The following CUBN variants were observed in gnomAD, a reference collection of about 807,000 sequenced individuals.
CUBN encodes cubilin.
Under a neutral mutation model 405.3 loss-of-function variants are expected in CUBN, and 282 were observed. That is an observed-to-expected ratio of 0.70 (90% CI 0.63 to 0.77). The LOEUF is 0.77. Ranked by LOEUF, CUBN falls within the 30% of genes least tolerant of loss-of-function variation. CUBN has a pLI of 0.00. For synonymous variants in CUBN, 1,684 were observed against 1,617.0 expected, an observed-to-expected ratio of 1.04 and a Z score of -0.99; for missense variants, 4,514 against 4,475.2, an observed-to-expected ratio of 1.01 and a Z score of -0.25.
chr10:16,837,131 C>T (rs1839195448), intron 62 of CUBN, among the ~76,000 whole-genome samples: 1 of 151,972 alleles, frequency 6.6e-6, no homozygotes, highest in Non-Finnish European at 1.5e-5. Flanking sequence ...TGCTCTTGGT[C>T]CTTGTCTAAC....
intron 60 of CUBN, among the ~76,000 whole-genome samples, chr10:16,850,074 C>T (rs1358260091): frequency 6.6e-6 from 1 of 152,186 alleles, no homozygotes; most frequent in Non-Finnish European, 1.5e-5. Flanking sequence ...TGAAAATGTT[C>T]ACCTTGCCTG....
intron 43 of CUBN, among the ~76,000 whole-genome samples, chr10:16,924,772 T>C (rs1462010059): frequency 1.3e-5 from 2 of 152,088 alleles, no homozygotes. Context: ...ATTACAGATA[T>C]CATGTAATAT....
intron 22 of CUBN, among the ~76,000 whole-genome samples, chr10:17,056,862 GAAAC>G (rs147883806): frequency 0.12 from 17,962 of 151,914 alleles, 1,787 homozygotes; most frequent in African/African-American, 0.26. Context: ...TCATTAATAA[GAAAC>G]AAACAAAAAT....
rs751337888 is a variant in CUBN, at chr10:16,947,253, C to T, written c.5324G>A (p.Arg1775Gln). The change falls in exon 36 of 67, where the codon CGG becomes CAG. Residue 1775 changes from arginine (R) to glutamine (Q), a missense_variant. Physicochemically the swap from Arg to Gln is conservative, Grantham distance 43 (BLOSUM62 1). Coordinates refer to ENST00000377833, the MANE Select transcript of CUBN (RefSeq NM_001081.4). The stretch of plus-strand genomic sequence containing the variant: ...GATTTACATAAAAGACAGCTGGAGC[C>T]GGTTGCCAGGGGAACTGACGATGTT... ...VWNIVSSPGN[R>Q]LQLSFISFQL... 105 of 1,613,954 alleles carry T rather than the reference C, an allele frequency of 6.5e-5. No homozygotes were observed. Among genetic ancestry groups the T allele is most frequent in the South Asian group, 1.1e-4 (10 of 91,086 alleles).
Position 17,065,421 on chromosome 10 carries a change from G to A in CUBN, c.3139+87C>T, listed in dbSNP as rs137931656. The A allele has an allele frequency of 1.2e-3, 1,876 of 1,534,800 alleles. 20 individuals are homozygous for A. In the African/African-American group the frequency reaches 0.02, roughly 16 times the overall value. ...CTCTCATTGTGTGCCACAGGTTTGC[G>A]GATGATGTATTCTCATTGTGTTTTA... On this transcript the variant is annotated intron_variant, in intron 22 of 66. Coordinates refer to ENST00000377833, the MANE Select transcript of CUBN (RefSeq NM_001081.4).
At position 17,057,774 on chromosome 10, in the gene CUBN, G is replaced by GA. The variant is rs1246983568; in HGVS notation, c.3139+7733dup. On this transcript the variant is annotated intron_variant, in intron 22 of 66. Transcript: ENST00000377833. ...ATGGAAGGCTAGTCAGCAATAGAAA[G>GA]AAAAAAACACATGAATACAGCAACA... Among the ~76,000 whole-genome samples, 3 of 151,730 alleles carry GA rather than the reference G, an allele frequency of 2.0e-5. 1 individual carries two copies. Among genetic ancestry groups the GA allele is most frequent in the Non-Finnish European group, 4.4e-5 (3 of 67,896 alleles).
intron 56 of CUBN, among the ~76,000 whole-genome samples, chr10:16,888,030 C>T (rs1194385622): frequency 6.6e-6 from 1 of 152,100 alleles, no homozygotes; most frequent in Non-Finnish European, 1.5e-5. Flanking sequence ...AAATGTCGAA[C>T]TCATAGAAGC....
chr10:17,078,375 T>A (rs1835895896), intron 17 of CUBN, among the ~76,000 whole-genome samples: 1 of 152,152 alleles, frequency 6.6e-6, no homozygotes, highest in African/African-American at 2.4e-5. Context: ...CCTCCTTCTC[T>A]CAGTTCTTTG....
At chr10:16,901,181 G>T (rs551388981) in intron 52 of CUBN, among the ~76,000 whole-genome samples, 157 bp downstream of exon 52, 1 of 152,318 alleles carries the variant, frequency 6.6e-6, no homozygotes, top group South Asian at 2.1e-4. Flanking sequence ...CAATGTATGT[G>T]CTCTAGTGAG....
At chr10:17,030,213 A>G (rs1386963925) in intron 27 of CUBN, among the ~76,000 whole-genome samples, 1 of 152,202 alleles carries the variant, frequency 6.6e-6, no homozygotes, top group African/African-American at 2.4e-5. Context: ...ACTATATATT[A>G]CAATGTAAGA....
At chr10:16,928,338 A>G (rs1341743508) in intron 40 of CUBN, 35 bp from the exon 41 acceptor site, 1 of 1,608,918 alleles carries the variant, frequency 6.2e-7, no homozygotes, top group South Asian at 1.1e-5. Context: ...ATGAAAATAC[A>G]TCTTGAGAAT....
At chr10:16,917,302 C>A (rs1019621749) in intron 45 of CUBN, among the ~76,000 whole-genome samples, 1 of 151,962 alleles carries the variant, frequency 6.6e-6, no homozygotes. Context: ...GGATACATTC[C>A]AAGACCCCCA....
At chr10:16,869,592 G>C (rs757802938) in intron 59 of CUBN, 44 bp downstream of exon 59, 1 of 1,344,488 alleles carries the variant, frequency 7.4e-7, no homozygotes. Context: ...AAAGCAGAAA[G>C]GTAACAGTCC....
intron 59 of CUBN, among the ~76,000 whole-genome samples, chr10:16,853,019 A>C (rs1839766492): frequency 6.6e-6 from 1 of 152,218 alleles, no homozygotes; most frequent in Non-Finnish European, 1.5e-5. Flanking sequence ...TTTATAATTC[A>C]GAATAAAAAT....
At chr10:17,098,696 AT>A in intron 14 of CUBN, among the ~76,000 whole-genome samples, 1 of 152,360 alleles carries the variant, frequency 6.6e-6, no homozygotes, top group South Asian at 2.1e-4. Context: ...TCTACAAAAA[AT>A]AATTAGACAT....
At chr10:16,965,056 AC>A (rs1843347748) in intron 31 of CUBN, among the ~76,000 whole-genome samples, 1 of 152,140 alleles carries the variant, frequency 6.6e-6, no homozygotes, top group Non-Finnish European at 1.5e-5. Flanking sequence ...CGTTTGGGGA[AC>A]CGCCCCCATC....
intron 56 of CUBN, 22 bp from the exon 57 acceptor site, chr10:16,877,119 C>A: frequency 6.2e-7 from 1 of 1,603,034 alleles, no homozygotes; most frequent in Non-Finnish European, 8.5e-7. Context: ...ATGGAACAAC[C>A]GCATTATGAT....
rs1835732986 is a variant in CUBN, at chr10:17,071,279, T to C, written c.2625+147A>G. 7.6e-6 allele frequency: 6 copies of C among 792,940 alleles called. No homozygotes were observed. In the Admixed American group the frequency reaches 1.1e-4, roughly 15 times the overall value. 49.1% of individuals were successfully genotyped at this position (792,940 alleles called of 1,614,324 possible). A position where few individuals can be genotyped will look rare whatever the true frequency, so the allele number is the denominator to read the frequency against. On this transcript the variant is annotated intron_variant, in intron 19 of 66. Transcript: ENST00000377833. The stretch of plus-strand genomic sequence containing the variant: ...TGCTAGATTCACTGAACCAGTATTT[T>C]GCTGAGGATTTTTACATATGTATCC...
At chr10:17,062,320 T>A (rs1057189557) in intron 22 of CUBN, among the ~76,000 whole-genome samples, 2 of 152,230 alleles carry the variant, frequency 1.3e-5, no homozygotes, top group Admixed American at 1.3e-4. Context: ...TATCTGTCCC[T>A]GTTTATACTT....
Sources: allele counts gnomAD v4.1 joint callset (sites outside exome capture counted in the v4.1 genomes callset), GRCh38; gene constraint gnomAD v4.1.1; transcripts MANE v1.5; gene names NCBI Gene and HGNC (gene_info 2026-07-23, HGNC 2026-07-21).